Variants in ADGRF3 observed in about 807,000 individuals in gnomAD.
The protein encoded by ADGRF3 is G protein-coupled receptor 113.
ADGRF3 carries 85 observed loss-of-function variants against 93.2 expected under a neutral mutation model. The ratio of observed to expected loss-of-function variants is 0.91; its 90% CI spans 0.77 to 1.09. The LOEUF (loss-of-function observed/expected upper bound fraction) is 1.09, where lower values mean the gene tolerates loss of function less well. ADGRF3 is among the 50% of genes least tolerant of loss of function. The probability of loss-of-function intolerance (pLI) is 0.00; values close to 1 mark genes in which losing one functional copy is unlikely to be tolerated. For missense variants in ADGRF3, 1,125 were observed against 1,246.2 expected (o/e 0.90, Z 1.46); for synonymous variants, 534 against 532.5 (o/e 1.00, Z -0.04).
intron 5 of ADGRF3, 143 bp from the exon 6 acceptor site, chr2:26,314,766 T>C: frequency 1.5e-6 from 1 of 683,848 alleles, no homozygotes; most frequent in Non-Finnish European, 2.5e-6. Flanking sequence ...GGTCCCAGGA[T>C]GGCCCCTTTG....
rs1189203503 is a variant in ADGRF3 at position 26,314,550 on chromosome 2, C to T, written c.792G>A (p.Lys264=). ...ATGGAAGTCGAGCCACATCTGTCGC[C>T]TTCAAGGGCACCCTCACCACCTCAT... ...NLYEVVRVPL[K]ATDVARLPYQ... Residue 264 remains lysine (K), a synonymous_variant, in exon 6 of 14, where the codon AAG becomes AAA. Transcript: ENST00000651242. The T allele has an allele frequency of 6.2e-7, 1 of 1,614,072 alleles. No homozygotes were observed. The highest frequency in any genetic ancestry group is 8.5e-7 in the Non-Finnish European group (1 of 1,179,904).
intron 1 of ADGRF3, among the ~76,000 whole-genome samples, chr2:26,325,727 A>C (rs1425023326): frequency 2.0e-5 from 3 of 152,210 alleles, no homozygotes; most frequent in African/African-American, 7.2e-5. Flanking sequence ...AAATAATTTC[A>C]AATCCTTAAG....
rs750662372 is a variant in ADGRF3, at chr2:26,314,571, C to T, written c.771G>A (p.Glu257=). 6 of 1,614,068 alleles carry T rather than the reference C, an allele frequency of 3.7e-6. No individual in the cohort carries two copies. The highest frequency in any genetic ancestry group is 2.2e-5 in the South Asian group (2 of 91,084). ...TCGCCTTCAAGGGCACCCTCACCAC[C>T]TCATACAGGTTCCACTTGAAGCCCT... ...EAQGFKWNLY[E]VVRVPLKATD... Residue 257 remains glutamate (E), a synonymous_variant, in exon 6 of 14, where the codon GAG becomes GAA. Coordinates refer to ENST00000651242, the MANE Select transcript of ADGRF3 (RefSeq NM_001321971.2).
intron 1 of ADGRF3, among the ~76,000 whole-genome samples, chr2:26,343,953 C>T (rs938558163): frequency 6.6e-6 from 1 of 151,440 alleles, no homozygotes; most frequent in Non-Finnish European, 1.5e-5. Flanking sequence ...TTAAAAGTTA[C>T]TGTTTTAAAA....
Position 26,313,431 on chromosome 2 carries a change from C to T in ADGRF3, c.1215G>A (p.Pro405=), listed in dbSNP as rs11886746. Residue 405 remains proline (P), a synonymous_variant, in exon 8 of 14, where the codon CCG becomes CCA. Coordinates refer to ENST00000651242, the MANE Select transcript of ADGRF3 (RefSeq NM_001321971.2). ...TCGCATCTGTGCAGCTGCTGTGGAC[C>T]GGCCCCCAGACTCCGTCAGCCCCAC... ...RLCGADGVWG[P]VHSSCTDARL... is the part of the protein sequence containing the mutation. 12 of 1,607,118 alleles carry T rather than the reference C, an allele frequency of 7.5e-6. No homozygotes were observed. Among genetic ancestry groups the T allele is most frequent in the East Asian group, 2.2e-5 (1 of 44,592 alleles).
At position 26,315,565 on chromosome 2, in the gene ADGRF3, G is replaced by T. The variant is rs1237043100; in HGVS notation, c.675C>A (p.Gly225=). 1 of 1,551,538 alleles carries T rather than the reference G, an allele frequency of 6.4e-7. No individual in the cohort carries two copies. The highest frequency in any genetic ancestry group is 2.0e-5 in the Admixed American group (1 of 51,006). ...TGTTGGAGACGCTGAGGGCAGCCTG[G>T]CCGTGGCTGGAAGTCACAGACACCT... The part of the protein sequence containing the change: ...GTQVSVTSSH[G]QAALSVSNMS... Residue 225 remains glycine (G), a synonymous_variant, in exon 5 of 14, where the codon GGC becomes GGA. Coordinates refer to ENST00000651242, the MANE Select transcript of ADGRF3 (RefSeq NM_001321971.2).
At position 26,315,514 on chromosome 2, in the gene ADGRF3, C is replaced by T. The variant is rs1451569399; in HGVS notation, c.718+8G>A. ...AGAAAGGAGGCAAGGAGAGGACAGG[C>T]TGGCTACCTGCCCAGTGATGGGACA... On this transcript the variant is annotated splice_region_variant and intron_variant, in intron 5 of 13. Transcript: ENST00000651242. The T allele has an allele frequency of 6.5e-7, 1 of 1,548,540 alleles. No individual in the cohort carries two copies. The highest frequency in any genetic ancestry group is 1.2e-5 in the South Asian group (1 of 83,976).
At chr2:26,320,068 T>G (rs1473946520) in intron 1 of ADGRF3, among the ~76,000 whole-genome samples, 1 of 152,230 alleles carries the variant, frequency 6.6e-6, no homozygotes, top group Non-Finnish European at 1.5e-5. Flanking sequence ...TAAATTTGAC[T>G]GTCTAAAAAC....
chr2:26,315,823 C>T, intron 4 of ADGRF3, 83 bp from the exon 5 acceptor site: 1 of 1,525,444 alleles, frequency 6.6e-7, no homozygotes, highest in Non-Finnish European at 8.8e-7. Context: ...TCTCCCCTGA[C>T]TCTGGAGCCC....
chr2:26,313,852 C>A lies in ADGRF3; in HGVS notation c.980G>T (p.Arg327Leu), dbSNP rs142282428. The A allele has an allele frequency of 1.2e-6, 2 of 1,613,950 alleles. No homozygotes were observed. The highest frequency in any genetic ancestry group is 1.3e-5 in the African/African-American group (1 of 75,034). The change falls in exon 7 of 14, where the codon CGC becomes CTC. Residue 327 changes from arginine (R) to leucine (L), a missense_variant. Transcript: ENST00000651242. ...GSQCFVLAVQ[R>L]CPMADTTYAC... is the part of the protein sequence containing the mutation. ...GTACGTGGTGTCAGCCATCGGGCAG[C>A]GCTGAACAGCCAGCACAAAGCACTG...
Position 26,309,009 on chromosome 2 carries a change from C to G in ADGRF3, c.*77G>C, listed in dbSNP as rs533394049. The G allele has an allele frequency of 1.6e-4, 251 of 1,603,696 alleles. 1 individual carries two copies. In the African/African-American group the frequency reaches 3.1e-3, roughly 20 times the overall value. On this transcript the variant is annotated 3_prime_UTR_variant, in exon 14 of 14. Coordinates refer to ENST00000651242, the MANE Select transcript of ADGRF3 (RefSeq NM_001321971.2). ...TCCGGGAGGCGGGAAGAGTTCAGAG[C>G]ATTGGGCCAGGGCTCATCTGGTGGG...
In ADGRF3 at chr2:26,346,217, C is replaced by G. The variant is rs564415439; in HGVS notation, c.18G>C (p.Leu6=). 2.2e-4 allele frequency: 352 copies of G among 1,613,520 alleles called. No homozygotes were observed. Among genetic ancestry groups the G allele is most frequent in the Non-Finnish European group, 2.6e-4 (308 of 1,179,676 alleles). Residue 6 remains leucine (L), a synonymous_variant, in exon 1 of 14, where the codon CTG becomes CTC. Transcript: ENST00000651242. MTTRK[L]SAHSAATPGY... ...CGGGAGTCGCTGCCGAGTGGGCGCTCAGTTTTCGGGTCGTCATGGCTGGCT... is the reference window on the plus strand; with the variant it reads ...CGGGAGTCGCTGCCGAGTGGGCGCTGAGTTTTCGGGTCGTCATGGCTGGCT...
At chr2:26,319,021 AGCAGCAGTGGG>A (rs1255787552) in intron 1 of ADGRF3, 2 of 1,551,612 alleles carry the variant, frequency 1.3e-6, no homozygotes, top group Admixed American at 3.9e-5. Flanking sequence ...TGTGGCCAGG[AGCAGCAGTGGG>A]GCAGCCGAAC....
intron 9 of ADGRF3, among the ~76,000 whole-genome samples, chr2:26,312,417 T>C (rs1032275328): frequency 2.6e-5 from 4 of 152,158 alleles, no homozygotes; most frequent in Admixed American, 2.0e-4. Context: ...TCTGCAAAGC[T>C]AGGAATGGTG....
chr2:26,309,199 C>A (rs1673812655), intron 13 of ADGRF3, 92 bp from the exon 14 acceptor site: 1 of 1,613,604 alleles, frequency 6.2e-7, no homozygotes, highest in Admixed American at 1.7e-5. Context: ...CCATGGCAAT[C>A]CCTTCAAGGC....
Position 26,310,699 on chromosome 2 carries a change from G to T in ADGRF3, c.2825C>A (p.Thr942Asn), listed in dbSNP as rs769404052. The T allele has an allele frequency of 1.2e-6, 2 of 1,610,744 alleles. No individual in the cohort carries two copies. The highest frequency in any genetic ancestry group is 1.7e-6 in the Non-Finnish European group (2 of 1,178,512). The change falls in exon 10 of 14, where the codon ACC becomes AAC. Residue 942 changes from threonine (T) to asparagine (N), a missense_variant. By Grantham distance (65) the Thr-to-Asn change is moderately conservative. Transcript: ENST00000651242. ...VPHYIFTILN[T>N]LQGVFILLFG... is the part of the protein sequence containing the mutation. ...CACCCCCCTATCACCTACCTGGAGGGTGTTGAGAATGGTGAAGATGTAATG... is the reference window on the plus strand; with the variant it reads ...CACCCCCCTATCACCTACCTGGAGGTTGTTGAGAATGGTGAAGATGTAATG...
In ADGRF3 at chr2:26,311,290, A is replaced by G; in HGVS notation, c.2234T>C (p.Leu745Pro). 6.2e-7 allele frequency: 1 copy of G among 1,613,842 alleles called. No homozygotes were observed. The highest frequency in any genetic ancestry group is 8.5e-7 in the Non-Finnish European group (1 of 1,179,852). ...GGCCAGCAAGCAGAACACCATGTTG[A>G]GCAGGGCGGCGTGGCGGAAATAGGA... ...KISYFRHAAL[L>P]NMVFCLLAAD... is the part of the protein sequence containing the mutation. Residue 745 changes from leucine to proline, a missense_variant, in exon 10 of 14, where the codon CTC becomes CCC. Physicochemically the swap from Leu to Pro is moderately conservative, Grantham distance 98. Coordinates refer to ENST00000651242, the MANE Select transcript of ADGRF3 (RefSeq NM_001321971.2).
Position 26,311,348 on chromosome 2 carries a change from G to T in ADGRF3, c.2176C>A (p.Leu726Met). 1 of 1,614,036 alleles carries T rather than the reference G, an allele frequency of 6.2e-7. No individual in the cohort carries two copies. Among genetic ancestry groups the T allele is most frequent in the South Asian group, 1.1e-5 (1 of 91,082 alleles). The stretch of plus-strand genomic sequence containing the variant: ...TTCCGCACCACGACTCTCCACACCA[G>T]CCAGTACACACCCAGGCACACAAGC... ...ALLVCLGVYW[L>M]VWRVVVRNKI... Residue 726 changes from leucine (L) to methionine (M), a missense_variant, in exon 10 of 14, where the codon CTG becomes ATG. Coordinates refer to ENST00000651242, the MANE Select transcript of ADGRF3 (RefSeq NM_001321971.2).
chr2:26,321,800 C>G (rs1484064230), intron 1 of ADGRF3, among the ~76,000 whole-genome samples: 1 of 151,682 alleles, frequency 6.6e-6, no homozygotes, highest in Non-Finnish European at 1.5e-5. Flanking sequence ...GGTGAAACCC[C>G]GTTTCTACTA....
Sources: gnomAD v4.1 joint callset for allele counts (sites outside exome capture counted in the v4.1 genomes callset) on GRCh38, gnomAD v4.1.1 for gene constraint, MANE v1.5 for transcripts, NCBI Gene and HGNC (gene_info 2026-07-23, HGNC 2026-07-21) for gene names.